Variants in AGAP1 observed in about 807,000 individuals in gnomAD.
AGAP1 encodes the protein arf-GAP with GTPase, ANK repeat and PH domain-containing protein 1.
AGAP1 carries 29 observed loss-of-function variants against 105.3 expected under a neutral mutation model. The observed-to-expected ratio is 0.28, with a 90% confidence interval of 0.21 to 0.38. The LOEUF (loss-of-function observed/expected upper bound fraction) is 0.38. AGAP1 is among the 10% of genes least tolerant of loss of function. The probability of loss-of-function intolerance (pLI) is 1.00; values close to 1 mark genes in which losing one functional copy is unlikely to be tolerated. For synonymous variants in AGAP1, 509 were observed against 485.9 expected (o/e 1.05, Z -0.63); for missense variants, 998 against 1,165.1 (o/e 0.86, Z 2.09).
At chr2:236,041,695 G>C (rs897096765) in intron 15 of AGAP1, among the ~76,000 whole-genome samples, 1 of 152,202 alleles carries the variant, frequency 6.6e-6, no homozygotes, top group African/African-American at 2.4e-5. Flanking sequence ...AACAAGGTAA[G>C]AGGTGCTGGT....
intron 8 of AGAP1, among the ~76,000 whole-genome samples, chr2:235,802,988 T>G (rs959338472): frequency 3.6e-4 from 29 of 80,264 alleles, no homozygotes; most frequent in South Asian, 7.6e-4. Flanking sequence ...TTGTGATGGT[T>G]GTGATGGTGG....
At chr2:235,806,464 G>A (rs992406150) in intron 8 of AGAP1, among the ~76,000 whole-genome samples, 5 of 152,106 alleles carry the variant, frequency 3.3e-5, no homozygotes, top group African/African-American at 1.2e-4. Flanking sequence ...TTTTACCCAA[G>A]TCAAGGTGCG....
At position 235,973,055 on chromosome 2, in the gene AGAP1, GAAAGT is replaced by G. The variant is rs2125369336; in HGVS notation, c.1645+4437_1645+4441del. 6.6e-6 allele frequency among the ~76,000 whole-genome samples: 1 copy of G among 152,300 alleles called. No individual in the cohort carries two copies. Among genetic ancestry groups the G allele is most frequent in the Admixed American group, 6.5e-5 (1 of 15,306 alleles). ...CTTACCTCTGTGGCGCACTTATTCA[GAAAGT>G]AAAGGCTAATAGTAGGAATCATCAG... On this transcript the variant is annotated intron_variant, in intron 13 of 17. Transcript: ENST00000304032. The surrounding 1 kb of genome is among the most constrained non-coding windows in gnomAD (Gnocchi z 4.7).
rs2058757573 is a variant in AGAP1 at position 236,080,666 on chromosome 2, C to G, written c.2114+31385C>G. ...CCACCCACTTAGTGGTTTAAAGTAA[C>G]ACGGAAGTATTCCATTACAGTTCTG... On this transcript the variant is annotated intron_variant, in intron 16 of 17. Transcript: ENST00000304032. This position sits in a 1 kb window ranked among gnomAD's most constrained non-coding sequence, Gnocchi z 4.2. Among the ~76,000 whole-genome samples, 1 of 152,230 alleles carries G rather than the reference C, an allele frequency of 6.6e-6. No individual in the cohort carries two copies. Among genetic ancestry groups the G allele is most frequent in the Non-Finnish European group, 1.5e-5 (1 of 68,036 alleles).
chr2:235,568,359 C>T (rs765725484), intron 1 of AGAP1, among the ~76,000 whole-genome samples: 3 of 152,194 alleles, frequency 2.0e-5, no homozygotes, highest in South Asian at 2.1e-4. Flanking sequence ...CATGGACGCC[C>T]GTTCTCTTAC....
rs2056296130 is a variant in AGAP1, at chr2:236,005,606, C to G, written c.1646-30955C>G. 6.6e-6 allele frequency among the ~76,000 whole-genome samples: 1 copy of G among 152,204 alleles called. No individual in the cohort carries two copies. The highest frequency in any genetic ancestry group is 2.1e-4 in the South Asian group (1 of 4,828). On this transcript the variant is annotated intron_variant, in intron 13 of 17. Coordinates refer to ENST00000304032, the MANE Select transcript of AGAP1 (RefSeq NM_001037131.3). The surrounding 1 kb of genome is among the most constrained non-coding windows in gnomAD (Gnocchi z 4.1). ...ATCCAAATCCTATTCCATTGTCATG[C>G]CTCCTTAGCCTTCTCTTGGCTGGGA...
intron 16 of AGAP1, among the ~76,000 whole-genome samples, chr2:236,086,523 G>A (rs1305517434): frequency 6.6e-6 from 1 of 151,956 alleles, no homozygotes. Context: ...AAAGTCTTTG[G>A]ACAGCAATTT....
rs570935069 is a variant in AGAP1 at position 235,909,763 on chromosome 2, A to G, written c.1324+857A>G. Among the ~76,000 whole-genome samples the G allele has an allele frequency of 2.1e-3, 316 of 152,278 alleles. 1 individual carries two copies. The highest frequency in any genetic ancestry group is 0.014 in the Middle Eastern group (4 of 294). The stretch of plus-strand genomic sequence containing the variant: ...TGGCTAGGCGCAGTGGCTCACACCT[A>G]TAATCCCAGCACTTTGGGAGGCTGA... On this transcript the variant is annotated intron_variant, in intron 11 of 17. Transcript: ENST00000304032.
In AGAP1 at chr2:235,790,171, G is replaced by A. The variant is rs905598055; in HGVS notation, c.674-7588G>A. ...ATGAATTTCTCCTTGTGGGGTCGCC[G>A]TGCTTATGGGAAGATGGAACGTACA... On this transcript the variant is annotated intron_variant, in intron 6 of 17. Transcript: ENST00000304032. Among the ~76,000 whole-genome samples the A allele has an allele frequency of 3.9e-4, 60 of 152,244 alleles. 1 individual carries two copies. Among genetic ancestry groups the A allele is most frequent in the African/African-American group, 1.3e-3 (53 of 41,546 alleles).
chr2:235,707,475 C>CGA, intron 1 of AGAP1, among the ~76,000 whole-genome samples: 9 of 57,674 alleles, frequency 1.6e-4, no homozygotes, highest in African/African-American at 7.3e-4. Context: ...CCCCATGACC[C>CGA]CCCCCCCCCC....
At chr2:235,803,528 G>C (rs1317846337) in intron 8 of AGAP1, among the ~76,000 whole-genome samples, 2 of 152,210 alleles carry the variant, frequency 1.3e-5, no homozygotes, top group African/African-American at 4.8e-5. Context: ...GTGCAGACTG[G>C]GATTGTAACA....
chr2:235,704,734 T>C (rs922277965), intron 1 of AGAP1, among the ~76,000 whole-genome samples: 20 of 152,152 alleles, frequency 1.3e-4, no homozygotes, highest in African/African-American at 4.3e-4. Flanking sequence ...CCCAGGTTAG[T>C]CTAGGGCGAG....
At position 235,882,492 on chromosome 2, in the gene AGAP1, A is replaced by C. The variant is rs1174002669; in HGVS notation, c.1051-853A>C. 6.5e-7 allele frequency: 1 copy of C among 1,533,350 alleles called. No individual in the cohort carries two copies. The allele number at this position is 1,533,350 out of a possible 1,614,324, so 95.0% of individuals were successfully genotyped here. ...TCCCCCCACGTCTGGTTTGTCTGCC[A>C]TTTTCTTAAAACAATCGGTACCATC... is the stretch of plus-strand genomic sequence containing the variant. On this transcript the variant is annotated intron_variant, in intron 9 of 17. Coordinates refer to ENST00000304032, the MANE Select transcript of AGAP1 (RefSeq NM_001037131.3). The surrounding 1 kb of genome is among the most constrained non-coding windows in gnomAD (Gnocchi z 4.6).
intron 16 of AGAP1, among the ~76,000 whole-genome samples, chr2:236,086,503 CT>C (rs1228908475): frequency 6.6e-6 from 1 of 152,168 alleles, no homozygotes; most frequent in Non-Finnish European, 1.5e-5. Flanking sequence ...AAAAGAAATA[CT>C]GCCCATTTAA....
chr2:235,509,288 G>A (rs1468188574), intron 1 of AGAP1, among the ~76,000 whole-genome samples: 1 of 152,110 alleles, frequency 6.6e-6, no homozygotes, highest in Non-Finnish European at 1.5e-5. Flanking sequence ...GTGCAGTGGT[G>A]CGATCTCTGC....
chr2:235,823,003 A>T (rs1958882047), intron 9 of AGAP1, among the ~76,000 whole-genome samples: 1 of 152,162 alleles, frequency 6.6e-6, no homozygotes, highest in Non-Finnish European at 1.5e-5. Flanking sequence ...TTAGGTAAAG[A>T]AGCTTCACAA....
rs756929712 is a variant in AGAP1, at chr2:235,889,190, G to A, written c.1155+5741G>A. 1.3e-5 allele frequency among the ~76,000 whole-genome samples: 2 copies of A among 152,198 alleles called. No homozygotes were observed. Among genetic ancestry groups the A allele is most frequent in the Non-Finnish European group, 2.9e-5 (2 of 68,044 alleles). On this transcript the variant is annotated intron_variant, in intron 10 of 17. Coordinates refer to ENST00000304032, the MANE Select transcript of AGAP1 (RefSeq NM_001037131.3). This position sits in a 1 kb window ranked among gnomAD's most constrained non-coding sequence, Gnocchi z 4.6. Reference sequence around the variant, plus strand: ...TCTTGGCCAAACAAACAGTCGGTATGTGGCCGTGCTGTGCACCGAGCTCGT... The same window carrying A: ...TCTTGGCCAAACAAACAGTCGGTATATGGCCGTGCTGTGCACCGAGCTCGT...
At chr2:235,924,274 C>T (rs1163108463) in intron 11 of AGAP1, among the ~76,000 whole-genome samples, 4 of 152,144 alleles carry the variant, frequency 2.6e-5, no homozygotes, top group Non-Finnish European at 5.9e-5. Flanking sequence ...TGCAGTGTCC[C>T]CTGGAGCCTC....
Position 235,882,452 on chromosome 2 carries a change from A to G in AGAP1, c.1051-893A>G, listed in dbSNP as rs960981458. 31 of 1,584,772 alleles carry G rather than the reference A, an allele frequency of 2.0e-5. 1 individual carries two copies. Among genetic ancestry groups the G allele is most frequent in the Non-Finnish European group, 2.4e-5 (28 of 1,157,328 alleles). On this transcript the variant is annotated intron_variant, in intron 9 of 17. Transcript: ENST00000304032. This position sits in a 1 kb window ranked among gnomAD's most constrained non-coding sequence, Gnocchi z 4.6. ...TCTCCGTTTTCTTCAGCTTGGCCCT[A>G]TTGAAGCTGGCGATTCCCCCCACGT...
Sources: allele counts gnomAD v4.1 joint callset (sites outside exome capture counted in the v4.1 genomes callset), GRCh38; gene constraint gnomAD v4.1.1; non-coding constraint Gnocchi (gnomAD v3.1); transcripts MANE v1.5; gene names NCBI Gene and HGNC (gene_info 2026-07-23, HGNC 2026-07-21).